The following EMP2 variants were observed in gnomAD, a reference collection of about 807,000 sequenced individuals.
The protein encoded by EMP2 is epithelial membrane protein 2.
In EMP2, 19 loss-of-function variants were observed where a neutral mutation model predicts 13.7. The ratio of observed to expected loss-of-function variants is 1.38; its 90% CI spans 0.97 to 2.03. EMP2 has a LOEUF of 2.03. Ranked by LOEUF, EMP2 falls within the 30% of genes most tolerant of loss-of-function variation. The pLI is 0.00. For missense variants in EMP2, 253 were observed against 220.7 expected (o/e 1.15, Z -0.93); for synonymous variants, 97 against 84.7 (o/e 1.15, Z -0.80).
At position 10,530,755 on chromosome 16, in the gene EMP2, T is replaced by G. The variant is rs948983504; in HGVS notation, c.*2150A>C. ...ACCCCTAAAGCTTGAAAACTCCAGC[T>G]CTATGGGACCCTCTCACCGCATTTA... On this transcript the variant is annotated 3_prime_UTR_variant, in exon 5 of 5. Coordinates refer to ENST00000359543, the MANE Select transcript of EMP2 (RefSeq NM_001424.6). 3.3e-5 allele frequency: 5 copies of G among 152,078 alleles called. No homozygotes were observed. Among genetic ancestry groups the G allele is most frequent in the African/African-American group, 1.2e-4 (5 of 41,416 alleles). 9.4% of individuals were successfully genotyped at this position (152,078 alleles called of 1,614,324 possible). A position where few individuals can be genotyped will look rare whatever the true frequency, so the allele number is the denominator to read the frequency against.
At chr16:10,540,471 A>G (rs1293980038) in intron 3 of EMP2, among the ~76,000 whole-genome samples, 1 of 150,662 alleles carries the variant, frequency 6.6e-6, no homozygotes, top group Admixed American at 6.7e-5. Context: ...GCGCCACTGC[A>G]CTCCAGCCTG....
In EMP2 at chr16:10,530,092, G is replaced by T. The variant is rs908772340; in HGVS notation, c.*2813C>A. ...CACATTCTTGCCCACAATATGACTAGTGAGAGTATCTCATGGAGGCAGGAG... is the reference window on the plus strand; with the variant it reads ...CACATTCTTGCCCACAATATGACTATTGAGAGTATCTCATGGAGGCAGGAG... On this transcript the variant is annotated 3_prime_UTR_variant, in exon 5 of 5. Coordinates refer to ENST00000359543, the MANE Select transcript of EMP2 (RefSeq NM_001424.6). 6 of 152,296 alleles carry T rather than the reference G, an allele frequency of 3.9e-5. No homozygotes were observed. Among genetic ancestry groups the T allele is most frequent in the African/African-American group, 1.4e-4 (6 of 41,546 alleles). The allele number at this position is 152,296 out of a possible 1,614,324, so 9.4% of individuals were successfully genotyped here. A position where few individuals can be genotyped will look rare whatever the true frequency, so the allele number is the denominator to read the frequency against.
chr16:10,572,415 C>G (rs561504466), intron 1 of EMP2, among the ~76,000 whole-genome samples: 39 of 152,084 alleles, frequency 2.6e-4, no homozygotes, highest in African/African-American at 8.9e-4. Flanking sequence ...CCACTACACT[C>G]CAGCCTGGGT....
intron 1 of EMP2, among the ~76,000 whole-genome samples, chr16:10,570,656 C>T (rs961525848): frequency 2.0e-5 from 3 of 152,088 alleles, no homozygotes; most frequent in Non-Finnish European, 2.9e-5. Flanking sequence ...CCTCGGCCTC[C>T]CAAAGTGCTG....
chr16:10,539,789 G>A (rs1346818890), intron 3 of EMP2, among the ~76,000 whole-genome samples: 1 of 152,170 alleles, frequency 6.6e-6, no homozygotes. Context: ...CGGGCATTGA[G>A]AGCGGGCACG....
chr16:10,541,218 C>T (rs1178248543), intron 3 of EMP2, among the ~76,000 whole-genome samples: 5 of 148,344 alleles, frequency 3.4e-5, no homozygotes, highest in African/African-American at 7.6e-5. Context: ...GCCTGGGCAA[C>T]ACAGCAAGAC....
chr16:10,571,966 A>G (rs2050951367), intron 1 of EMP2, among the ~76,000 whole-genome samples: 1 of 152,188 alleles, frequency 6.6e-6, no homozygotes, highest in African/African-American at 2.4e-5. Context: ...GCTCATGACC[A>G]TCCATCTGAA....
intron 1 of EMP2, among the ~76,000 whole-genome samples, chr16:10,561,130 G>A (rs570698041): frequency 6.6e-6 from 1 of 152,250 alleles, no homozygotes; most frequent in Admixed American, 6.5e-5. Context: ...GGAGCCAAGA[G>A]AGCTTCCAGA....
chr16:10,567,453 C>T (rs1248647041), intron 1 of EMP2, among the ~76,000 whole-genome samples: 1 of 152,196 alleles, frequency 6.6e-6, no homozygotes, highest in Non-Finnish European at 1.5e-5. Flanking sequence ...GATCTGCTTG[C>T]AAACTGTGGT....
intron 1 of EMP2, among the ~76,000 whole-genome samples, chr16:10,572,521 T>C (rs2050955381): frequency 6.6e-6 from 1 of 152,010 alleles, no homozygotes. Context: ...TAAATTCCAT[T>C]ACAGGGGCCG....
chr16:10,535,943 C>T (rs919852683), intron 4 of EMP2, among the ~76,000 whole-genome samples: 1 of 152,198 alleles, frequency 6.6e-6, no homozygotes, highest in Non-Finnish European at 1.5e-5. Flanking sequence ...AATCCCCAGG[C>T]TCTAACCCAG....
chr16:10,551,980 G>A (rs2050791904), intron 1 of EMP2, among the ~76,000 whole-genome samples: 1 of 152,146 alleles, frequency 6.6e-6, no homozygotes, highest in Non-Finnish European at 1.5e-5. Flanking sequence ...GTGATTCTGT[G>A]CATCACCAAT....
chr16:10,575,237 CTTTTTTTTTTTTTTT>C lies in EMP2; in HGVS notation c.-61+5297_-61+5311del, dbSNP rs761837614. ...TGGCCTTGGTCCTGGAGCTTGCATT[CTTTTTTTTTTTTTTT>C]TTTTTTTTTTTTTTTTTTTGAGACA... On this transcript the variant is annotated intron_variant, in intron 1 of 4. Transcript: ENST00000359543. Among the ~76,000 whole-genome samples the C allele has an allele frequency of 9.0e-3, 473 of 52,508 alleles. 3 individuals carry two copies. The highest frequency in any genetic ancestry group is 0.011 in the Non-Finnish European group (302 of 27,444). The allele number at this position is 52,508 out of a possible 152,430, so 34.4% of individuals were successfully genotyped here.
rs911281226 is a variant in EMP2 at position 10,528,789 on chromosome 16, G to T, written c.*4116C>A. 2 of 152,164 alleles carry T rather than the reference G, an allele frequency of 1.3e-5. No homozygotes were observed. The highest frequency in any genetic ancestry group is 2.9e-5 in the Non-Finnish European group (2 of 68,040). The allele number at this position is 152,164 out of a possible 1,614,324, so 9.4% of individuals were successfully genotyped here. On this transcript the variant is annotated 3_prime_UTR_variant, in exon 5 of 5. Transcript: ENST00000359543. ...ATTGTAAGTAACCTTTAAACTATTA[G>T]CGAGTTTAGTAACATCCCGCGAGGC...
chr16:10,537,549 TC>T (rs2050657206), intron 4 of EMP2, among the ~76,000 whole-genome samples: 1 of 152,136 alleles, frequency 6.6e-6, no homozygotes, highest in African/African-American at 2.4e-5. Context: ...CAGCTCTCCG[TC>T]CCTCCTGTCA....
chr16:10,534,654 T>C (rs982840607), intron 4 of EMP2, among the ~76,000 whole-genome samples: 1 of 152,096 alleles, frequency 6.6e-6, no homozygotes, highest in African/African-American at 2.4e-5. Context: ...TAGTCCCAGC[T>C]ACTTGGGAGG....
At chr16:10,577,403 T>C (rs1445766691) in intron 1 of EMP2, among the ~76,000 whole-genome samples, 2 of 152,092 alleles carry the variant, frequency 1.3e-5, no homozygotes, top group East Asian at 3.9e-4. Flanking sequence ...GCCTCTGATA[T>C]TTTTAGACTC....
intron 1 of EMP2, among the ~76,000 whole-genome samples, chr16:10,553,952 T>C (rs1048603914): frequency 1.3e-5 from 2 of 152,260 alleles, no homozygotes; most frequent in Non-Finnish European, 2.9e-5. Flanking sequence ...TACTGCCATG[T>C]ATACTGGACA....
chr16:10,537,167 T>A (rs1322232057), intron 4 of EMP2, among the ~76,000 whole-genome samples: 1 of 152,248 alleles, frequency 6.6e-6, no homozygotes, highest in African/African-American at 2.4e-5. Context: ...AAGGGACTTC[T>A]GTATTTTGTC....
Sources: allele counts gnomAD v4.1 joint callset (sites outside exome capture counted in the v4.1 genomes callset), GRCh38; gene constraint gnomAD v4.1.1; transcripts MANE v1.5; gene names NCBI Gene and HGNC (gene_info 2026-07-23, HGNC 2026-07-21).